The following RNLS variants were observed in gnomAD, a reference collection of about 807,000 sequenced individuals.
The protein encoded by RNLS is renalase, FAD dependent amine oxidase.
A neutral mutation model predicts 39.8 loss-of-function variants in RNLS; 39 were observed. The ratio of observed to expected loss-of-function variants is 0.98; its 90% confidence interval spans 0.76 to 1.28. The LOEUF (loss-of-function observed/expected upper bound fraction) is 1.28. RNLS is among the 50% of genes most tolerant of loss of function. The probability of loss-of-function intolerance (pLI) is 0.00; values close to 1 mark genes in which losing one functional copy is unlikely to be tolerated. For missense variants in RNLS, 410 were observed against 413.3 expected, an observed-to-expected ratio of 0.99 and a Z score of 0.07; for synonymous variants, 147 against 150.7, an observed-to-expected ratio of 0.98 and a Z score of 0.18.
chr10:88,560,969 CACACAT>C (rs986950474), intron 4 of RNLS, among the ~76,000 whole-genome samples: 12 of 151,908 alleles, frequency 7.9e-5, no homozygotes, highest in African/African-American at 1.2e-4. Flanking sequence ...CACACACACA[CACACAT>C]ACACACACAG....
chr10:88,186,332 G>C, the RNLS span, among the ~76,000 whole-genome samples: 1 of 152,158 alleles, frequency 6.6e-6, no homozygotes, highest in Admixed American at 6.5e-5. Flanking sequence ...AAGCCCTCAG[G>C]ATGGAGTTAA....
At chr10:88,355,041 T>C (rs1477357635) in intron 5 of RNLS, among the ~76,000 whole-genome samples, 1 of 152,264 alleles carries the variant, frequency 6.6e-6, no homozygotes, top group Non-Finnish European at 1.5e-5. Context: ...CACGTAGTTC[T>C]TGTGCCATGG....
intron 5 of RNLS, among the ~76,000 whole-genome samples, chr10:88,321,416 A>G (rs764146009): frequency 1.2e-4 from 18 of 152,148 alleles, no homozygotes; most frequent in African/African-American, 4.1e-4. Flanking sequence ...AACAAACCAA[A>G]CCCAAAGATA....
chr10:88,214,802 A>G, the RNLS span, among the ~76,000 whole-genome samples: 3 of 152,188 alleles, frequency 2.0e-5, no homozygotes, highest in Non-Finnish European at 4.4e-5. Flanking sequence ...ATTAACTTTC[A>G]TATTTTTATA....
At chr10:88,366,965 T>C (rs1366046397) in intron 4 of RNLS, among the ~76,000 whole-genome samples, 1 of 151,902 alleles carries the variant, frequency 6.6e-6, no homozygotes, top group African/African-American at 2.4e-5. Context: ...CTGGATGCTG[T>C]CTGGTTCATG....
chr10:88,406,471 G>C (rs975564005), intron 4 of RNLS, among the ~76,000 whole-genome samples: 2 of 151,870 alleles, frequency 1.3e-5, no homozygotes, highest in African/African-American at 4.8e-5. Flanking sequence ...CGAAGACCTT[G>C]TCTTTGAGTT....
chr10:88,548,408 G>A (rs7918925), intron 4 of RNLS, among the ~76,000 whole-genome samples: 1 of 149,694 alleles, frequency 6.7e-6, no homozygotes, highest in East Asian at 1.9e-4. Flanking sequence ...GGGAGGCTGA[G>A]ATGGGTGGAT....
chr10:88,485,508 A>G (rs1844441451), intron 4 of RNLS, among the ~76,000 whole-genome samples: 1 of 151,892 alleles, frequency 6.6e-6, no homozygotes, highest in Non-Finnish European at 1.5e-5. Flanking sequence ...CTTCTTGAAG[A>G]AAAGTTTGAA....
At chr10:88,243,740 T>C in the RNLS span, among the ~76,000 whole-genome samples, 1 of 152,232 alleles carries the variant, frequency 6.6e-6, no homozygotes, top group Non-Finnish European at 1.5e-5. Flanking sequence ...GGCCAGCAGC[T>C]CTTTAACGGA....
chr10:88,417,057 G>GTT (rs1854072750), intron 4 of RNLS, among the ~76,000 whole-genome samples: 1 of 152,246 alleles, frequency 6.6e-6, no homozygotes, highest in Non-Finnish European at 1.5e-5. Context: ...TTCTCAGAGA[G>GTT]TTATATAGGA....
chr10:88,247,111 C>T, the RNLS span, among the ~76,000 whole-genome samples: 1 of 151,952 alleles, frequency 6.6e-6, no homozygotes, highest in Non-Finnish European at 1.5e-5. Flanking sequence ...GTGAGAATGG[C>T]CAGAGTCGGG....
chr10:88,285,634 C>A, intron 6 of RNLS, 128 bp from the exon 7 acceptor site: 3 of 762,044 alleles, frequency 3.9e-6, no homozygotes, highest in African/African-American at 1.8e-5. Context: ...ACCAAACAAA[C>A]AAAAAAAATG....
At chr10:88,363,349 T>C (rs535550888) in intron 4 of RNLS, among the ~76,000 whole-genome samples, 4 of 152,180 alleles carry the variant, frequency 2.6e-5, no homozygotes, top group African/African-American at 9.6e-5. Flanking sequence ...CCATGGCACA[T>C]GATTACCTAT....
intron 4 of RNLS, among the ~76,000 whole-genome samples, chr10:88,415,726 G>C (rs989073903): frequency 1.3e-5 from 2 of 152,076 alleles, no homozygotes; most frequent in Non-Finnish European, 2.9e-5. Context: ...ATAGTATTTG[G>C]CACACAGTAA....
intron 4 of RNLS, among the ~76,000 whole-genome samples, chr10:88,477,505 T>C (rs554839654): frequency 2.6e-5 from 4 of 152,204 alleles, no homozygotes; most frequent in African/African-American, 7.2e-5. Context: ...GCAACGCTGA[T>C]GTAAACACTG....
downstream of RNLS, chr10:88,284,022 CTA>C (rs1843118409): frequency 7.5e-6 from 4 of 533,694 alleles, no homozygotes; most frequent in African/African-American, 8.2e-5. Flanking sequence ...CAAAAAATCA[CTA>C]TTTTTCATCA....
intron 6 of RNLS, among the ~76,000 whole-genome samples, chr10:88,286,105 C>T (rs190898607): frequency 9.9e-5 from 15 of 152,238 alleles, no homozygotes; most frequent in Admixed American, 9.8e-4. Context: ...GCCACCCACT[C>T]TATGGTATTT....
chr10:88,393,396 T>C (rs1589718318), intron 4 of RNLS, among the ~76,000 whole-genome samples: 1 of 151,810 alleles, frequency 6.6e-6, no homozygotes, highest in South Asian at 2.1e-4. Flanking sequence ...TATACACCAA[T>C]AACAGACAAA....
At chr10:88,568,193 A>G (rs1849623247) in intron 4 of RNLS, among the ~76,000 whole-genome samples, 3 of 152,162 alleles carry the variant, frequency 2.0e-5, no homozygotes, top group Admixed American at 1.3e-4. Flanking sequence ...TTCCTGCATT[A>G]ATTTGCTAAG....
Sources: gnomAD v4.1 joint callset for allele counts (sites outside exome capture counted in the v4.1 genomes callset) on GRCh38, gnomAD v4.1.1 for gene constraint, MANE v1.5 for transcripts, NCBI Gene and HGNC (gene_info 2026-07-23, HGNC 2026-07-21) for gene names.